The following ZNF500 variants were observed in gnomAD, a reference collection of about 807,000 sequenced individuals.
ZNF500 encodes the protein zinc finger protein 500, also known as zinc finger protein with KRAB and SCAN domains 18.
A neutral mutation model predicts 30.1 loss-of-function variants in ZNF500; 31 were observed. The observed-to-expected ratio is 1.03, with a 90% CI of 0.77 to 1.39. The LOEUF is 1.39. Among genes scored for constraint, ZNF500 ranks in the 40% most tolerant of loss-of-function variants. The pLI, the probability that ZNF500 is intolerant of heterozygous loss-of-function variation, is 0.00. For missense variants in ZNF500, 817 were observed against 657.8 expected, an observed-to-expected ratio of 1.24 and a Z score of -2.65; for synonymous variants, 392 against 282.0, an observed-to-expected ratio of 1.39 and a Z score of -3.91.
At chr16:4,762,389 G>A in intron 3 of ZNF500, 54 bp from the exon 4 acceptor site, 1 of 1,548,400 alleles carries the variant, frequency 6.5e-7, no homozygotes, top group Non-Finnish European at 8.7e-7. Flanking sequence ...TACTGCCCCT[G>A]CCGTCCCCTG....
intron 2 of ZNF500, chr16:4,763,874 G>A (rs1357390668): frequency 1.0e-6 from 1 of 985,314 alleles, no homozygotes; most frequent in Non-Finnish European, 1.2e-6. Context: ...TCCTCTGTTG[G>A]CTGCAAAAGG....
downstream of ZNF500, chr16:4,747,468 C>T (rs1187624935): frequency 1.2e-6 from 2 of 1,613,156 alleles, no homozygotes; most frequent in Admixed American, 1.7e-5. Flanking sequence ...GAAGACACAG[C>T]TGGATCACGA....
chr16:4,753,040 TCCAACTGGATCC>T lies in ZNF500; in HGVS notation c.767_778del (p.Gly256_Leu259del). The T allele has an allele frequency of 6.6e-7, 1 of 1,521,678 alleles. No individual in the cohort carries two copies. The highest frequency in any genetic ancestry group is 8.8e-7 in the Non-Finnish European group (1 of 1,139,724). 94.3% of individuals were successfully genotyped at this position (1,521,678 alleles called of 1,614,324 possible). The stretch of plus-strand genomic sequence containing the variant: ...ATCCTCCCTGCCATCACCGCCGTCC[TCCAACTGGATCC>T]CAGGTCCTGAGACAGAGAAAGCACG... On this transcript the variant is annotated inframe_deletion, in exon 6 of 6. Coordinates refer to ENST00000219478, the MANE Select transcript of ZNF500 (RefSeq NM_021646.4).
chr16:4,746,939 C>T, downstream of ZNF500: 2 of 1,561,620 alleles, frequency 1.3e-6, no homozygotes, highest in Non-Finnish European at 1.7e-6. Flanking sequence ...CCAGCCACAG[C>T]TCCTCTGACA....
chr16:4,746,502 TC>T, downstream of ZNF500: 1 of 1,613,544 alleles, frequency 6.2e-7, no homozygotes, highest in Non-Finnish European at 8.5e-7. Context: ...AGACCACCTG[TC>T]CCCAGAAAGG....
chr16:4,746,695 A>G (rs2082021521), downstream of ZNF500: 1 of 893,126 alleles, frequency 1.1e-6, no homozygotes, highest in Admixed American at 3.1e-5. Flanking sequence ...GAAGAGGGGC[A>G]TGAGGCACAC....
chr16:4,760,921 G>A (rs1340067976), intron 4 of ZNF500, among the ~76,000 whole-genome samples: 2 of 152,144 alleles, frequency 1.3e-5, no homozygotes, highest in African/African-American at 2.4e-5. Context: ...CCAGCCCCAG[G>A]ACCCCATTGC....
chr16:4,746,915 C>T (rs1157502965), downstream of ZNF500: 3 of 1,541,760 alleles, frequency 1.9e-6, no homozygotes, highest in Non-Finnish European at 2.6e-6. Context: ...AAACCCATTT[C>T]TCTCCCTGCA....
chr16:4,763,368 C>T (rs1445794267), intron 2 of ZNF500, among the ~76,000 whole-genome samples: 1 of 149,058 alleles, frequency 6.7e-6, no homozygotes, highest in Admixed American at 6.7e-5. Context: ...CACTGCACTC[C>T]AGCCTGGGCA....
At chr16:4,764,025 C>T (rs2082235745) in intron 2 of ZNF500, 1 of 985,280 alleles carries the variant, frequency 1.0e-6, no homozygotes, top group African/African-American at 1.7e-5. Flanking sequence ...CAAGGAGTTC[C>T]ACAACTGAAA....
Position 4,750,944 on chromosome 16 carries a change from A to C in ZNF500, c.*1432T>G, listed in dbSNP as rs936911628. On this transcript the variant is annotated 3_prime_UTR_variant, in exon 6 of 6. Coordinates refer to ENST00000219478, the MANE Select transcript of ZNF500 (RefSeq NM_021646.4). ...CCACTGTGCTCGGCCTCTGACACTA[A>C]ATAATGTCAGTTAAGGGAATGAGAA... 2.0e-5 allele frequency: 3 copies of C among 152,052 alleles called. No individual in the cohort carries two copies. Among genetic ancestry groups the C allele is most frequent in the South Asian group, 2.1e-4 (1 of 4,814 alleles). The allele number at this position is 152,052 out of a possible 1,614,324, so 9.4% of individuals were successfully genotyped here.
chr16:4,746,296 T>A, downstream of ZNF500: 2 of 1,451,024 alleles, frequency 1.4e-6, no homozygotes, highest in Non-Finnish European at 1.9e-6. Context: ...CCACGAGCAC[T>A]GTGACTGGAC....
chr16:4,747,152 G>A (rs933829080), downstream of ZNF500: 2 of 1,208,406 alleles, frequency 1.7e-6, no homozygotes, highest in East Asian at 2.4e-5. Flanking sequence ...GGGTGAGGGG[G>A]ACGGCACAGC....
chr16:4,758,059 G>C (rs2082156453), intron 5 of ZNF500, among the ~76,000 whole-genome samples: 1 of 151,224 alleles, frequency 6.6e-6, no homozygotes, highest in South Asian at 2.1e-4. Context: ...CCGCCATCAC[G>C]CCTAATTTTT....
Position 4,765,600 on chromosome 16 carries a change from CT to C in ZNF500, c.378del (p.Leu128CysfsTer25), listed in dbSNP as rs2082255769. On this transcript the variant is annotated frameshift_variant, in exon 2 of 6. Transcript: ENST00000219478. LOFTEE classifies it high-confidence loss of function. ...TGTTTCCTGGGCTTCCGCTGCAGCCCTTCCACAAGGACCACGGCCTCCTCAC... is the reference window on the plus strand; with the variant it reads ...TGTTTCCTGGGCTTCCGCTGCAGCCCTCCACAAGGACCACGGCCTCCTCAC... The part of the protein sequence containing the change: ...ESGEEAVVLV[E>X]GLQRKPRKHR... 4 of 1,610,066 alleles carry C rather than the reference CT, an allele frequency of 2.5e-6. No individual in the cohort carries two copies. Among genetic ancestry groups the C allele is most frequent in the Non-Finnish European group, 3.4e-6 (4 of 1,177,752 alleles).
downstream of ZNF500, chr16:4,746,827 G>A (rs1834969298): frequency 8.7e-7 from 1 of 1,147,424 alleles, no homozygotes; most frequent in African/African-American, 1.6e-5. Context: ...CTGACCTCTT[G>A]CATTGGGTCA....
rs757878037 is a variant in ZNF500 at position 4,760,455 on chromosome 16, G to A, written c.760+37C>T. 3.1e-6 allele frequency: 5 copies of A among 1,591,742 alleles called. No individual in the cohort carries two copies. The East Asian group carries it at 1.1e-4, about 36-fold the overall frequency. ...TGGTGCCTGACAGTTCCTATTTTTG[G>A]CAAGCCCCCTAGAGGACACAATCAC... On this transcript the variant is annotated intron_variant, in intron 5 of 5. Coordinates refer to ENST00000219478, the MANE Select transcript of ZNF500 (RefSeq NM_021646.4).
downstream of ZNF500, chr16:4,746,015 G>A: frequency 5.4e-6 from 1 of 186,578 alleles, no homozygotes; most frequent in Non-Finnish European, 1.1e-5. Flanking sequence ...AACCATGGCA[G>A]CCATTAGCCG....
chr16:4,759,275 C>G (rs940489726), intron 5 of ZNF500, among the ~76,000 whole-genome samples: 1 of 151,816 alleles, frequency 6.6e-6, no homozygotes, highest in Non-Finnish European at 1.5e-5. Context: ...AAACTGGAAC[C>G]CTTGTGCACT....
Sources: gnomAD v4.1 joint callset for allele counts (sites outside exome capture counted in the v4.1 genomes callset) on GRCh38, gnomAD v4.1.1 for gene constraint, MANE v1.5 for transcripts, NCBI Gene and HGNC (gene_info 2026-07-23, HGNC 2026-07-21) for gene names.